NYX: variants seen among roughly 807,000 people sequenced by gnomAD.
The protein encoded by NYX is leucine-rich repeat protein.
For synonymous variants in NYX, 258 were observed against 245.7 expected, an observed-to-expected ratio of 1.05 and a Z score of -0.47; for missense variants, 481 against 485.4, an observed-to-expected ratio of 0.99 and a Z score of 0.09.
Position 41,473,991 on chromosome X carries a change from G to A in NYX, c.523G>A (p.Gly175Ser). ...LFRRVPGALR[G>S]LANLTHAHLE... The stretch of plus-strand genomic sequence containing the variant: ...CCGCCGCGTGCCGGGCGCGCTGCGC[G>A]GCCTGGCCAACCTGACGCACGCGCA... The change falls in exon 3 of 3, where the codon GGC becomes AGC. Residue 175 changes from glycine (G) to serine (S), a missense_variant. Coordinates refer to ENST00000378220, the MANE Select transcript of NYX (RefSeq NM_001378477.3). The A allele has an allele frequency of 9.3e-7, 1 of 1,071,165 alleles. No homozygotes were observed. The highest frequency in any genetic ancestry group is 1.2e-6 in the Non-Finnish European group (1 of 833,087). 88.3% of individuals were successfully genotyped at this position (1,071,165 alleles called of 1,213,427 possible).
chrX:41,468,512 G>C (rs2064348680), intron 2 of NYX, among the ~76,000 whole-genome samples: 1 of 111,537 alleles, frequency 9.0e-6, no homozygotes, highest in Non-Finnish European at 1.9e-5. Context: ...GGCTGGTCTT[G>C]AACTTCTGAC....
chrX:41,474,048 T>C lies in NYX; in HGVS notation c.580T>C (p.Ser194Pro). The C allele has an allele frequency of 1.9e-6, 2 of 1,061,743 alleles. No individual in the cohort carries two copies. Among genetic ancestry groups the C allele is most frequent in the Admixed American group, 4.3e-5 (1 of 23,055 alleles). 87.5% of individuals were successfully genotyped at this position (1,061,743 alleles called of 1,213,427 possible). ...LERGRIEAVA[S>P]SSLQGLRRLR... The stretch of plus-strand genomic sequence containing the variant: ...GCGCGGCCGCATCGAGGCGGTGGCC[T>C]CCAGCTCGCTGCAGGGCCTGCGCCG... The change falls in exon 3 of 3, where the codon TCC becomes CCC. Residue 194 changes from serine (S) to proline (P), a missense_variant. Physicochemically the swap from Ser to Pro is moderately conservative, Grantham distance 74. Transcript: ENST00000378220.
chrX:41,462,997 T>C (rs914688805), intron 2 of NYX, among the ~76,000 whole-genome samples: 1 of 103,456 alleles, frequency 9.7e-6, no homozygotes, highest in Non-Finnish European at 2.0e-5. Context: ...TTTATGGTTA[T>C]TGCTTTTTCT....
At chrX:41,470,886 C>T (rs1260018965) in intron 2 of NYX, among the ~76,000 whole-genome samples, 3 of 109,855 alleles carry the variant, frequency 2.7e-5, no homozygotes, top group East Asian at 5.7e-4. Flanking sequence ...GCGATGTCCT[C>T]GGAGATCCCC....
At chrX:41,454,398 C>T (rs975897915) in intron 2 of NYX, among the ~76,000 whole-genome samples, 5 of 110,418 alleles carry the variant, frequency 4.5e-5, no homozygotes, top group African/African-American at 1.3e-4. Context: ...CTGCAACCTC[C>T]GCCTCCCGGG....
chrX:41,458,230 C>T (rs928005598), intron 2 of NYX, among the ~76,000 whole-genome samples: 1 of 111,933 alleles, frequency 8.9e-6, no homozygotes, highest in Admixed American at 9.6e-5. Context: ...CTTAGGAGGA[C>T]ATATTCAAAC....
intron 2 of NYX, among the ~76,000 whole-genome samples, chrX:41,450,714 C>T (rs1278503353): frequency 2.2e-4 from 23 of 103,390 alleles, no homozygotes; most frequent in African/African-American, 7.4e-4. Context: ...GGTACTATCT[C>T]GACTCACTGC....
intron 2 of NYX, among the ~76,000 whole-genome samples, chrX:41,469,335 C>A (rs771209010): frequency 9.0e-6 from 1 of 110,638 alleles, no homozygotes; most frequent in Admixed American, 9.7e-5. Context: ...GCTAGGAATT[C>A]GGGAGTACTG....
chrX:41,475,141 C>A lies in NYX; in HGVS notation c.*242C>A. 1 of 429,474 alleles carries A rather than the reference C, an allele frequency of 2.3e-6. No individual in the cohort carries two copies. Among genetic ancestry groups the A allele is most frequent in the Non-Finnish European group, 4.1e-6 (1 of 243,701 alleles). 35.4% of individuals were successfully genotyped at this position (429,474 alleles called of 1,213,427 possible). ...AGAGAAGCAAGAATGAACGTGGGCC[C>A]TCGGGTGGGAAGACTAGGAATCGGA... On this transcript the variant is annotated 3_prime_UTR_variant, in exon 3 of 3. Coordinates refer to ENST00000378220, the MANE Select transcript of NYX (RefSeq NM_001378477.3).
Position 41,448,562 on chromosome X carries a change from C to CT in NYX, c.22+651dup, listed in dbSNP as rs1289675519. Among the ~76,000 whole-genome samples the CT allele has an allele frequency of 7.3e-3, 635 of 86,556 alleles. 2 individuals are homozygous for CT. The highest frequency in any genetic ancestry group is 0.028 in the Middle Eastern group (4 of 143). 75.2% of individuals were successfully genotyped at this position (86,556 alleles called of 115,157 possible). ...GTGGTTTTTTCTTTTCTTTTCTTTT[C>CT]TTTTTTTTTTTTTTTGAGACAGAGT... On this transcript the variant is annotated intron_variant, in intron 2 of 2. Coordinates refer to ENST00000378220, the MANE Select transcript of NYX (RefSeq NM_001378477.3).
At chrX:41,452,843 A>G (rs2807160) in intron 2 of NYX, among the ~76,000 whole-genome samples, 27,783 of 110,356 alleles carry the variant, frequency 0.25, 2,725 homozygotes, top group East Asian at 0.43. Flanking sequence ...TGGGGTGAAA[A>G]CCAAGTTCTG....
At chrX:41,457,677 A>G (rs776161460) in intron 2 of NYX, among the ~76,000 whole-genome samples, 1 of 111,776 alleles carries the variant, frequency 8.9e-6, no homozygotes, top group Non-Finnish European at 1.9e-5. Flanking sequence ...TTCACTGCCT[A>G]TTCCATTTTC....
At chrX:41,459,122 G>A (rs1441279139) in intron 2 of NYX, among the ~76,000 whole-genome samples, 1 of 111,462 alleles carries the variant, frequency 9.0e-6, no homozygotes, top group Non-Finnish European at 1.9e-5. Flanking sequence ...GTTGTTTTAA[G>A]AGCAAAAGAA....
chrX:41,462,578 G>A (rs1602175407), intron 2 of NYX, among the ~76,000 whole-genome samples: 1 of 111,954 alleles, frequency 8.9e-6, no homozygotes, highest in South Asian at 3.7e-4. Flanking sequence ...TGGGGTGCCA[G>A]CATGGTTGGG....
intron 2 of NYX, among the ~76,000 whole-genome samples, chrX:41,457,302 C>A (rs1230630573): frequency 3.4e-5 from 2 of 59,406 alleles, no homozygotes; most frequent in Non-Finnish European, 5.8e-5. Flanking sequence ...AACGAAACTC[C>A]ATCTCAAAAA....
At chrX:41,473,330 G>T (rs1360677838) in intron 2 of NYX, among the ~76,000 whole-genome samples, 161 bp from the exon 3 acceptor site, 1 of 111,406 alleles carries the variant, frequency 9.0e-6, no homozygotes, top group East Asian at 2.8e-4. Flanking sequence ...GGCCGCGGAG[G>T]TGGGAAGAGG....
Position 41,474,389 on chromosome X carries a change from C to A in NYX, c.921C>A (p.Asn307Lys). ...TCCTCGCGCTGCACCTCAACGGCAACCGCCTCACCGTGCTCGCCTGGGTCG... is the reference window on the plus strand; with the variant it reads ...TCCTCGCGCTGCACCTCAACGGCAAACGCCTCACCGTGCTCGCCTGGGTCG... ...SGLLALHLNG[N>K]RLTVLAWVAF... Residue 307 changes from asparagine to lysine, a missense_variant, in exon 3 of 3, where the codon AAC becomes AAA. Physicochemically the swap from Asn to Lys is moderately conservative, Grantham distance 94. Coordinates refer to ENST00000378220, the MANE Select transcript of NYX (RefSeq NM_001378477.3). 2.5e-6 allele frequency: 3 copies of A among 1,207,974 alleles called. No homozygotes were observed. The highest frequency in any genetic ancestry group is 1.7e-5 in the African/African-American group (1 of 57,982).
chrX:41,473,603 C>T lies in NYX; in HGVS notation c.135C>T (p.Arg45=), dbSNP rs2064371913. Residue 45 remains arginine, a synonymous_variant, in exon 3 of 3, where the codon CGC becomes CGT. Transcript: ENST00000378220. The part of the protein sequence containing the change: ...VERGCSVRCD[R]AGLLRVPAEL... Reference sequence around the variant, plus strand: ...GCGGCTGCTCGGTGCGCTGCGACCGCGCGGGCCTCCTGCGGGTGCCGGCCG... The same window carrying T: ...GCGGCTGCTCGGTGCGCTGCGACCGTGCGGGCCTCCTGCGGGTGCCGGCCG... 1 of 1,034,574 alleles carries T rather than the reference C, an allele frequency of 9.7e-7. No homozygotes were observed. The highest frequency in any genetic ancestry group is 1.2e-6 in the Non-Finnish European group (1 of 809,206). 85.3% of individuals were successfully genotyped at this position (1,034,574 alleles called of 1,213,427 possible). A position where few individuals can be genotyped will look rare whatever the true frequency, so the allele number is the denominator to read the frequency against.
At chrX:41,473,042 C>T (rs940703045) in intron 2 of NYX, among the ~76,000 whole-genome samples, 1 of 111,900 alleles carries the variant, frequency 8.9e-6, no homozygotes, top group African/African-American at 3.2e-5. Context: ...AGGTGATCTG[C>T]CCGCCTCGGC....
Sources: allele counts gnomAD v4.1 joint callset (sites outside exome capture counted in the v4.1 genomes callset), GRCh38; gene constraint gnomAD v4.1.1; transcripts MANE v1.5; gene names NCBI Gene and HGNC (gene_info 2026-07-23, HGNC 2026-07-21).